SLC39A1: variants seen among roughly 807,000 people sequenced by gnomAD.
The protein encoded by SLC39A1 is solute carrier family 39 member 1, also known as zinc transporter ZIP1.
A neutral mutation model predicts 21.4 loss-of-function variants in SLC39A1; 17 were observed. The ratio of observed to expected loss-of-function variants is 0.79; its 90% CI spans 0.54 to 1.19. The LOEUF (loss-of-function observed/expected upper bound fraction) is 1.19. SLC39A1 is among the 50% of genes most tolerant of loss of function. SLC39A1 has a pLI of 0.00. For synonymous variants in SLC39A1, 183 were observed against 185.9 expected (o/e 0.98, Z 0.13); for missense variants, 343 against 399.8 (o/e 0.86, Z 1.21).
In SLC39A1 at chr1:153,962,364, A is replaced by C; in HGVS notation, c.188-14T>G. On this transcript the variant is annotated splice_polypyrimidine_tract_variant and intron_variant, in intron 2 of 3. Coordinates refer to ENST00000356205, the MANE Select transcript of SLC39A1 (RefSeq NM_001271958.2). ...TCTGGCGGGAAGCTGGGTAGGGGTG[A>C]AGCACAGAGGGGAATAAGCAAACAA... The C allele has an allele frequency of 6.2e-7, 1 of 1,613,338 alleles. No individual in the cohort carries two copies. The highest frequency in any genetic ancestry group is 8.5e-7 in the Non-Finnish European group (1 of 1,179,624).
Position 153,960,036 on chromosome 1 carries a change from G to A in SLC39A1, c.*62C>T. The A allele has an allele frequency of 1.3e-6, 2 of 1,514,248 alleles. No homozygotes were observed. Among genetic ancestry groups the A allele is most frequent in the Non-Finnish European group, 1.8e-6 (2 of 1,125,512 alleles). The allele number at this position is 1,514,248 out of a possible 1,614,324, so 93.8% of individuals were successfully genotyped here. ...TTCCTTCCTATTCCCCACAACTGGG[G>A]GAGGGAAGGGAGAACAGGGGCACCT... On this transcript the variant is annotated 3_prime_UTR_variant, in exon 4 of 4. Transcript: ENST00000356205.
At chr1:153,961,773 G>A (rs1249113214) in intron 3 of SLC39A1, among the ~76,000 whole-genome samples, 1 of 152,132 alleles carries the variant, frequency 6.6e-6, no homozygotes, top group Admixed American at 6.5e-5. Context: ...GTCCTATGCC[G>A]TGGACTTGAT....
At chr1:153,963,016 C>T (rs533264394) in intron 1 of SLC39A1, 4 of 295,682 alleles carry the variant, frequency 1.4e-5, no homozygotes, top group African/African-American at 4.3e-5. Flanking sequence ...TCACCTGGTG[C>T]CCCCAGAAAA....
In SLC39A1 at chr1:153,960,656, C is replaced by T. The variant is rs1241742954; in HGVS notation, c.417G>A (p.Pro139=). ...GAGCCCTTGTTTCCTCCAGAGGTGA[C>T]GGCCCTGACTGCTCCTTGTAAGCCA... is the stretch of plus-strand genomic sequence containing the variant. ...ITLAYKEQSG[P]SPLEETRALL... Residue 139 remains proline, a synonymous_variant, in exon 4 of 4, where the codon CCG becomes CCA. Coordinates refer to ENST00000356205, the MANE Select transcript of SLC39A1 (RefSeq NM_001271958.2). 2.5e-6 allele frequency: 4 copies of T among 1,614,166 alleles called. No individual in the cohort carries two copies. Among genetic ancestry groups the T allele is most frequent in the East Asian group, 2.2e-5 (1 of 44,892 alleles).
At chr1:153,964,706 G>C (rs1367233724), upstream of SLC39A1, 1 of 152,218 alleles carries the variant, frequency 6.6e-6, no homozygotes, top group African/African-American at 2.4e-5. Context: ...ACTTTGGAAG[G>C]CCGAGGATGA....
Position 153,960,754 on chromosome 1 carries a change from G to T in SLC39A1, c.319C>A (p.Leu107Ile), listed in dbSNP as rs144644610. The part of the protein sequence containing the change: ...DEALAALHVT[L>I]QFPLQEFILA... Reference sequence around the variant, plus strand: ...ATGAACTCTTGCAGTGGGAACTGGAGCTGTGGGCAGAAGCAGCAGCAAAAT... The same window carrying T: ...ATGAACTCTTGCAGTGGGAACTGGATCTGTGGGCAGAAGCAGCAGCAAAAT... Residue 107 changes from leucine to isoleucine, a missense_variant and splice_region_variant, in exon 4 of 4, where the codon CTC (leucine) becomes ATC (isoleucine). By Grantham distance (5) the Leu-to-Ile change is conservative. Coordinates refer to ENST00000356205, the MANE Select transcript of SLC39A1 (RefSeq NM_001271958.2). The T allele has an allele frequency of 3.1e-6, 5 of 1,602,476 alleles. No homozygotes were observed. The African/African-American group carries it at 6.7e-5, about 21-fold the overall frequency.
upstream of SLC39A1, chr1:153,963,725 A>G (rs932021261): frequency 5.9e-5 from 9 of 153,660 alleles, no homozygotes; most frequent in African/African-American, 2.2e-4. Flanking sequence ...GAGCGAGAGC[A>G]AGAGCGGATA....
chr1:153,966,246 A>C (rs888706292), upstream of SLC39A1, among the ~76,000 whole-genome samples: 1 of 152,206 alleles, frequency 6.6e-6, no homozygotes, highest in African/African-American at 2.4e-5. Flanking sequence ...CAGATAAGAA[A>C]TCTGAGAAAG....
chr1:153,965,059 T>C (rs1647702718), upstream of SLC39A1: 1 of 152,344 alleles, frequency 6.6e-6, no homozygotes, highest in African/African-American at 2.4e-5. Flanking sequence ...TATATTTGTT[T>C]ATTTATACAC....
In SLC39A1 at chr1:153,962,591, A is replaced by G. The variant is rs745418373; in HGVS notation, c.125T>C (p.Leu42Pro). ...ACAGATGGGCACCAGGCTGCAGAGG[A>G]GGGTGAGCACCAGCAGCAGCACCAG... ...GALVLLLVLT[L>P]LCSLVPICVL... Residue 42 changes from leucine (L) to proline (P), a missense_variant, in exon 2 of 4, where the codon CTC (leucine) becomes CCC (proline). Leu to Pro is a moderately conservative substitution (Grantham distance 98). Coordinates refer to ENST00000356205, the MANE Select transcript of SLC39A1 (RefSeq NM_001271958.2). 2.5e-6 allele frequency: 4 copies of G among 1,613,744 alleles called. No individual in the cohort carries two copies. Among genetic ancestry groups the G allele is most frequent in the Admixed American group, 3.3e-5 (2 of 59,994 alleles).
In SLC39A1 at chr1:153,962,759, GA is replaced by G; in HGVS notation, c.-32-13del. ...AGTGACTCTCAGACCTAGGAAGACA[GA>G]CCAGAGTGGTTGGGAAAAATCATGC... On this transcript the variant is annotated splice_polypyrimidine_tract_variant and intron_variant, in intron 1 of 3. Coordinates refer to ENST00000356205, the MANE Select transcript of SLC39A1 (RefSeq NM_001271958.2). 6.8e-7 allele frequency: 1 copy of G among 1,471,902 alleles called. No individual in the cohort carries two copies. The highest frequency in any genetic ancestry group is 1.4e-5 in the South Asian group (1 of 72,156). 91.2% of individuals were successfully genotyped at this position (1,471,902 alleles called of 1,614,324 possible). A position where few individuals can be genotyped will look rare whatever the true frequency, so the allele number is the denominator to read the frequency against.
In SLC39A1 at chr1:153,960,443, C is replaced by T; in HGVS notation, c.630G>A (p.Leu210=). The T allele has an allele frequency of 1.2e-6, 2 of 1,613,952 alleles. No individual in the cohort carries two copies. The highest frequency in any genetic ancestry group is 1.7e-6 in the Non-Finnish European group (2 of 1,180,044). ...LQRDRARAME[L]CLALLLHKGI... is the part of the protein sequence containing the mutation. ...CCTTGTGGAGCAGCAAAGCCAGGCA[C>T]AGCTCCATGGCCCGAGCCCGGTCTC... The change falls in exon 4 of 4, where the codon CTG becomes CTA. Residue 210 remains leucine (L), a synonymous_variant. Coordinates refer to ENST00000356205, the MANE Select transcript of SLC39A1 (RefSeq NM_001271958.2).
chr1:153,962,879 C>T, intron 1 of SLC39A1, 132 bp from the exon 2 acceptor site: 2 of 611,224 alleles, frequency 3.3e-6, no homozygotes, highest in Non-Finnish European at 5.5e-6. Flanking sequence ...CCCAGGGTGA[C>T]TCATCTACTC....
At position 153,960,483 on chromosome 1, in the gene SLC39A1, G is replaced by A. The variant is rs1212651673; in HGVS notation, c.590C>T (p.Ala197Val). 4 of 1,613,262 alleles carry A rather than the reference G, an allele frequency of 2.5e-6. No individual in the cohort carries two copies. The highest frequency in any genetic ancestry group is 1.7e-5 in the Admixed American group (1 of 60,012). The change falls in exon 4 of 4, where the codon GCG becomes GTG. Residue 197 changes from alanine to valine, a missense_variant. Coordinates refer to ENST00000356205, the MANE Select transcript of SLC39A1 (RefSeq NM_001271958.2). Reference sequence around the variant, plus strand: ...AGCCCGGTCTCGCTGCAGCCCTACCGCCAGCCCCTCGAACACGGAGTGGAG... The same window carrying A: ...AGCCCGGTCTCGCTGCAGCCCTACCACCAGCCCCTCGAACACGGAGTGGAG... ...LALHSVFEGL[A>V]VGLQRDRARA...
chr1:153,962,611 C>T lies in SLC39A1; in HGVS notation c.105G>A (p.Val35=). The stretch of plus-strand genomic sequence containing the variant: ...AGAGGAGGGTGAGCACCAGCAGCAG[C>T]ACCAGGGCCCCCAACTTCACCTCCA... ...VGLEVKLGAL[V]LLLVLTLLCS... The change falls in exon 2 of 4, where the codon GTG becomes GTA. Residue 35 remains valine (V), a synonymous_variant. Coordinates refer to ENST00000356205, the MANE Select transcript of SLC39A1 (RefSeq NM_001271958.2). 1 of 1,613,668 alleles carries T rather than the reference C, an allele frequency of 6.2e-7. No homozygotes were observed. Among genetic ancestry groups the T allele is most frequent in the East Asian group, 2.2e-5 (1 of 44,880 alleles).
rs1052443617 is a variant in SLC39A1, at chr1:153,960,710, G to A, written c.363C>T (p.Phe121=). ...TGATCTGCTCCATCACCAGGACCAGGAAGAAGCCCATGGCCAGGATGAACT... is the reference window on the plus strand; with the variant it reads ...TGATCTGCTCCATCACCAGGACCAGAAAGAAGCCCATGGCCAGGATGAACT... ...LQEFILAMGF[F]LVLVMEQITL... The change falls in exon 4 of 4, where the codon TTC becomes TTT. Residue 121 remains phenylalanine (F), a synonymous_variant. Coordinates refer to ENST00000356205, the MANE Select transcript of SLC39A1 (RefSeq NM_001271958.2). The A allele has an allele frequency of 1.9e-6, 3 of 1,613,428 alleles. No individual in the cohort carries two copies. Among genetic ancestry groups the A allele is most frequent in the Non-Finnish European group, 2.5e-6 (3 of 1,180,032 alleles).
chr1:153,961,434 C>T (rs1029578272), intron 3 of SLC39A1, among the ~76,000 whole-genome samples: 4 of 152,202 alleles, frequency 2.6e-5, no homozygotes, highest in Non-Finnish European at 5.9e-5. Flanking sequence ...CCATCCCCCT[C>T]CCCATTGTGA....
chr1:153,963,845 G>A (rs1647642216), upstream of SLC39A1: 1 of 152,330 alleles, frequency 6.6e-6, no homozygotes, highest in African/African-American at 2.4e-5. Flanking sequence ...TTTTAAAAGA[G>A]GGAGACCCCG....
At position 153,959,395 on chromosome 1, in the gene SLC39A1, T is replaced by C. The variant is rs1460382915; in HGVS notation, c.*703A>G. The C allele has an allele frequency of 2.5e-6, 1 of 397,520 alleles. No individual in the cohort carries two copies. Among genetic ancestry groups the C allele is most frequent in the Non-Finnish European group, 4.4e-6 (1 of 225,774 alleles). The allele number at this position is 397,520 out of a possible 1,614,324, so 24.6% of individuals were successfully genotyped here. On this transcript the variant is annotated 3_prime_UTR_variant, in exon 4 of 4. Coordinates refer to ENST00000356205, the MANE Select transcript of SLC39A1 (RefSeq NM_001271958.2). ...CTTCCTCCTACCCCAGCCCAGAAAATATTTCTGCCCCACCCCAGGATCCGG... is the reference window on the plus strand; with the variant it reads ...CTTCCTCCTACCCCAGCCCAGAAAACATTTCTGCCCCACCCCAGGATCCGG...
Sources: gnomAD v4.1 joint callset for allele counts (sites outside exome capture counted in the v4.1 genomes callset) on GRCh38, gnomAD v4.1.1 for gene constraint, MANE v1.5 for transcripts, NCBI Gene and HGNC (gene_info 2026-07-23, HGNC 2026-07-21) for gene names.